GPR107: variants seen among roughly 807,000 people sequenced by gnomAD.
GPR107 encodes the protein G protein-coupled receptor 107.
Under a neutral mutation model 75.5 loss-of-function variants are expected in GPR107, and 31 were observed. The observed-to-expected ratio is 0.41, with a 90% CI of 0.31 to 0.55. The LOEUF (loss-of-function observed/expected upper bound fraction) is 0.55. Ranked by LOEUF, GPR107 falls within the 20% of genes least tolerant of loss-of-function variation. The pLI, the probability that GPR107 is intolerant of heterozygous loss-of-function variation, is 0.26. For missense variants in GPR107, 572 were observed against 665.7 expected, an observed-to-expected ratio of 0.86 and a Z score of 1.55; for synonymous variants, 267 against 251.3, an observed-to-expected ratio of 1.06 and a Z score of -0.59.
At chr9:130,130,199 C>G (rs953854497) in intron 17 of GPR107, among the ~76,000 whole-genome samples, 2 of 152,168 alleles carry the variant, frequency 1.3e-5, no homozygotes, top group Non-Finnish European at 2.9e-5. Flanking sequence ...CTCTTTAGGC[C>G]TACCAGTTTT....
rs1228043024 is a variant in GPR107 at position 130,112,646 on chromosome 9, C to T, written c.1306+5107C>T. Among the ~76,000 whole-genome samples, 1 of 152,212 alleles carries T rather than the reference C, an allele frequency of 6.6e-6. No individual in the cohort carries two copies. Among genetic ancestry groups the T allele is most frequent in the Non-Finnish European group, 1.5e-5 (1 of 68,040 alleles). On this transcript the variant is annotated intron_variant, in intron 14 of 17. Coordinates refer to ENST00000347136, the MANE Select transcript of GPR107 (RefSeq NM_020960.5). This position sits in a 1 kb window ranked among gnomAD's most constrained non-coding sequence, Gnocchi z 4.0. ...GGGAGGTGTGCACACAGCACTGCTG[C>T]TGGGCCTGAAGTGTGATGGGTGTGG... is the stretch of plus-strand genomic sequence containing the variant.
In GPR107 at chr9:130,075,630, CT is replaced by C; in HGVS notation, c.142-3del. 1 of 1,439,036 alleles carries C rather than the reference CT, an allele frequency of 6.9e-7. No homozygotes were observed. Among genetic ancestry groups the C allele is most frequent in the Non-Finnish European group, 9.8e-7 (1 of 1,020,626 alleles). The allele number at this position is 1,439,036 out of a possible 1,614,324, so 89.1% of individuals were successfully genotyped here. ...TGACTAATTCCACCACTACAAATCT[CT>C]TTAGGATGATGTGAGGCATAAAGTT... On this transcript the variant is annotated splice_region_variant and splice_polypyrimidine_tract_variant and intron_variant, in intron 1 of 17. Transcript: ENST00000347136.
At chr9:130,121,240 T>TC (rs1831539814) in intron 14 of GPR107, among the ~76,000 whole-genome samples, 1 of 151,710 alleles carries the variant, frequency 6.6e-6, no homozygotes, top group Non-Finnish European at 1.5e-5. Flanking sequence ...AATAGCAGTG[T>TC]CCAATCTTTT....
intron 1 of GPR107, among the ~76,000 whole-genome samples, chr9:130,071,937 G>T (rs1043144291): frequency 6.7e-6 from 1 of 148,716 alleles, no homozygotes; most frequent in Non-Finnish European, 1.5e-5. Context: ...CGTCCGCCGC[G>T]GCCTCCCAAA....
chr9:130,054,200 C>T (rs997257011), intron 1 of GPR107, 127 bp downstream of exon 1: 204 of 936,522 alleles, frequency 2.2e-4, no homozygotes, highest in Non-Finnish European at 3.0e-4. Flanking sequence ...TGCGGCCTTT[C>T]ACTGACAGGT....
chr9:130,134,214 T>C (rs782800904), intron 17 of GPR107, among the ~76,000 whole-genome samples: 2 of 152,168 alleles, frequency 1.3e-5, no homozygotes, highest in African/African-American at 2.4e-5. Context: ...AGCCACCCAG[T>C]TCCCTCATAG....
chr9:130,124,823 G>T, intron 14 of GPR107, 92 bp from the exon 15 acceptor site: 1 of 729,124 alleles, frequency 1.4e-6, no homozygotes. Context: ...TGCATTAGAG[G>T]TGGCCTCTTG....
chr9:130,125,006 C>G (rs72759148), intron 15 of GPR107, 42 bp downstream of exon 15: 93,950 of 992,424 alleles, frequency 0.095, 4,828 homozygotes, highest in East Asian at 0.16. Flanking sequence ...TAAATAAAAT[C>G]AATTCAAGGA....
chr9:130,073,653 G>A (rs1276089790), intron 1 of GPR107, among the ~76,000 whole-genome samples: 2 of 152,204 alleles, frequency 1.3e-5, no homozygotes, highest in Non-Finnish European at 2.9e-5. Context: ...AGGGAAGAAG[G>A]AGCTGAAACT....
intron 14 of GPR107, chr9:130,120,817 A>C (rs1223274739): frequency 6.6e-6 from 1 of 152,292 alleles, no homozygotes; most frequent in East Asian, 1.9e-4. Context: ...GCTGGTTCGA[A>C]GGTGGCTGTG....
chr9:130,075,834 G>A, intron 2 of GPR107, 85 bp downstream of exon 2: 1 of 666,858 alleles, frequency 1.5e-6, no homozygotes. Context: ...CCAGGCTGGA[G>A]TGCGGTGGCG....
intron 14 of GPR107, among the ~76,000 whole-genome samples, chr9:130,113,627 G>A (rs1831356603): frequency 6.6e-6 from 1 of 150,758 alleles, no homozygotes; most frequent in Non-Finnish European, 1.5e-5. Flanking sequence ...TCTGTATCTG[G>A]GAGATCTACA....
intron 1 of GPR107, among the ~76,000 whole-genome samples, chr9:130,064,273 C>G (rs1830012319): frequency 7.1e-6 from 1 of 141,284 alleles, no homozygotes; most frequent in Non-Finnish European, 1.5e-5. Context: ...TCTCGGCTCA[C>G]TGCAAGCTCC....
At chr9:130,118,623 C>T (rs1002699107) in intron 14 of GPR107, among the ~76,000 whole-genome samples, 1 of 152,068 alleles carries the variant, frequency 6.6e-6, no homozygotes, top group African/African-American at 2.4e-5. Flanking sequence ...CTTACAGGAC[C>T]CCCAAGACCA....
At chr9:130,114,714 A>G (rs930423050) in intron 14 of GPR107, 1 of 1,036,200 alleles carries the variant, frequency 9.7e-7, no homozygotes, top group Non-Finnish European at 1.2e-6. Flanking sequence ...ATATTTGTAG[A>G]TATAATCATA....
At chr9:130,102,358 C>T (rs1831051997) in intron 12 of GPR107, among the ~76,000 whole-genome samples, 1 of 152,140 alleles carries the variant, frequency 6.6e-6, no homozygotes. Context: ...GTGCCTCTTC[C>T]CTTTAGTAGA....
At chr9:130,084,663 CTG>C (rs563106148) in intron 6 of GPR107, among the ~76,000 whole-genome samples, 6 of 151,568 alleles carry the variant, frequency 4.0e-5, no homozygotes, top group Admixed American at 1.3e-4. Flanking sequence ...GTGGTCGCAG[CTG>C]TTCTGGAGGC....
rs1169774614 is a variant in GPR107 at position 130,053,952 on chromosome 9, T to C, written c.20T>C (p.Val7Ala). 1 of 1,556,334 alleles carries C rather than the reference T, an allele frequency of 6.4e-7. No homozygotes were observed. Residue 7 changes from valine (V) to alanine (A), a missense_variant, in exon 1 of 18, where the codon GTC (valine) becomes GCC (alanine). Transcript: ENST00000347136. MAALAP[V>A]GSPASRGPRL... ...ACAAACATGGCCGCTCTGGCGCCCG[T>C]CGGCTCCCCCGCCTCCCGCGGTCCT...
intron 17 of GPR107, chr9:130,132,974 C>T (rs1831864771): frequency 1.3e-5 from 2 of 152,228 alleles, no homozygotes; most frequent in East Asian, 1.9e-4. Context: ...TCCCACCCAT[C>T]TTGTGGGCCA....
Sources: allele counts gnomAD v4.1 joint callset (sites outside exome capture counted in the v4.1 genomes callset), GRCh38; gene constraint gnomAD v4.1.1; non-coding constraint Gnocchi (gnomAD v3.1); transcripts MANE v1.5; gene names NCBI Gene and HGNC (gene_info 2026-07-23, HGNC 2026-07-21).